Variants in FLNC observed in about 807,000 individuals in gnomAD.
FLNC encodes filamin C.
FLNC carries 91 observed loss-of-function variants against 254.3 expected under a neutral mutation model. The observed-to-expected ratio is 0.36, with a 90% CI of 0.30 to 0.43. The LOEUF (loss-of-function observed/expected upper bound fraction) is 0.43. FLNC is among the 20% of genes least tolerant of loss of function. The probability of loss-of-function intolerance (pLI) is 1.00; values close to 1 mark genes in which losing one functional copy is unlikely to be tolerated. For synonymous variants in FLNC, 1,430 were observed against 1,577.2 expected (o/e 0.91, Z 2.21); for missense variants, 2,853 against 3,802.6 (o/e 0.75, Z 6.57).
Position 128,837,277 on chromosome 7 carries a change from AG to A in FLNC, c.699+26del, listed in dbSNP as rs760219261. On this transcript the variant is annotated intron_variant, in intron 3 of 47. Coordinates refer to ENST00000325888, the MANE Select transcript of FLNC (RefSeq NM_001458.5). ...CCCCAGGTACATGCGCAGATGGGGCAGGGGGGAAAGGGGGCAGGGGCAGAGG... is the reference window on the plus strand; with the variant it reads ...CCCCAGGTACATGCGCAGATGGGGCAGGGGGAAAGGGGGCAGGGGCAGAGG... 1.7e-5 allele frequency: 13 copies of A among 762,758 alleles called. No homozygotes were observed. Among genetic ancestry groups the A allele is most frequent in the African/African-American group, 1.1e-4 (6 of 54,912 alleles). 47.2% of individuals were successfully genotyped at this position (762,758 alleles called of 1,614,324 possible).
At position 128,830,574 on chromosome 7, in the gene FLNC, C is replaced by A; in HGVS notation, c.-64C>A. 2 of 1,427,322 alleles carry A rather than the reference C, an allele frequency of 1.4e-6. No individual in the cohort carries two copies. Among genetic ancestry groups the A allele is most frequent in the Non-Finnish European group, 9.8e-7 (1 of 1,023,736 alleles). 88.4% of individuals were successfully genotyped at this position (1,427,322 alleles called of 1,614,324 possible). On this transcript the variant is annotated 5_prime_UTR_variant, in exon 1 of 48. Coordinates refer to ENST00000325888, the MANE Select transcript of FLNC (RefSeq NM_001458.5). ...TCCCGTGGTCGCGCCCCAACAGCGC[C>A]CGACAGCCCCCGATAGCCCAAACCG...
At position 128,845,018 on chromosome 7, in the gene FLNC, G is replaced by A. The variant is rs912926530; in HGVS notation, c.3553G>A (p.Glu1185Lys). Residue 1185 changes from glutamate to lysine, a missense_variant, in exon 21 of 48, where the codon GAG becomes AAG. This residue lies in a region of FLNC where 1,573 missense variants were observed against 1,883.5 expected (regional missense o/e 0.84). Transcript: ENST00000325888. ...TFTVDCSEAG[E>K]AELTIEILSD... ...CACTGTGGACTGCTCAGAGGCAGGC[G>A]AGGCGGAGCTGACCATTGAGATCCT... 7.4e-6 allele frequency: 12 copies of A among 1,613,674 alleles called. No individual in the cohort carries two copies. The highest frequency in any genetic ancestry group is 2.2e-5 in the South Asian group (2 of 91,096).
At chr7:128,855,147 C>G (rs1178784178) in intron 42 of FLNC, 52 bp from the exon 43 acceptor site, 1 of 1,346,178 alleles carries the variant, frequency 7.4e-7, no homozygotes, top group African/African-American at 1.4e-5. Context: ...GGGAGGCTCC[C>G]GCCCTGCCAA....
intron 42 of FLNC, 106 bp downstream of exon 42, chr7:128,855,018 C>T: frequency 7.8e-7 from 1 of 1,277,744 alleles, no homozygotes; most frequent in Non-Finnish European, 1.1e-6. Flanking sequence ...ACTCCCCTCC[C>T]CGGAGCCCCC....
intron 6 of FLNC, 52 bp from the exon 7 acceptor site, chr7:128,838,215 C>A: frequency 1.3e-6 from 2 of 1,587,730 alleles, no homozygotes; most frequent in Non-Finnish European, 1.7e-6. Flanking sequence ...CCCTCTGCCC[C>A]CTCTCAGGAC....
chr7:128,833,360 C>T (rs1363003767), intron 1 of FLNC, among the ~76,000 whole-genome samples: 1 of 152,220 alleles, frequency 6.6e-6, no homozygotes, highest in East Asian at 1.9e-4. Context: ...TCTGGCTCCT[C>T]CCACTCCTTT....
intron 3 of FLNC, 26 bp downstream of exon 3, chr7:128,837,283 G>C: frequency 7.8e-7 from 1 of 1,280,404 alleles, no homozygotes; most frequent in Non-Finnish European, 1.1e-6. Context: ...GGGCAGGGGG[G>C]AAAGGGGGCA....
Position 128,841,271 on chromosome 7 carries a change from G to A in FLNC, c.1915G>A (p.Ala639Thr), listed in dbSNP as rs1175392094. Reference protein sequence around the residue: ...RYWPTEPGEYAVHVICDDEDI... With the variant: ...RYWPTEPGEYTVHVICDDEDI... Reference sequence around the variant, plus strand: ...CTGGCCCACGGAGCCTGGGGAGTACGCTGTGCACGTCATCTGTGACGATGA... The same window carrying A: ...CTGGCCCACGGAGCCTGGGGAGTACACTGTGCACGTCATCTGTGACGATGA... The change falls in exon 12 of 48, where the codon GCT becomes ACT. Residue 639 changes from alanine (A) to threonine (T), a missense_variant. Transcript: ENST00000325888. The surrounding 1 kb of genome is among the most constrained non-coding windows in gnomAD (Gnocchi z 4.3). The A allele has an allele frequency of 1.9e-6, 3 of 1,613,940 alleles. No individual in the cohort carries two copies. The highest frequency in any genetic ancestry group is 2.2e-5 in the South Asian group (2 of 91,086).
rs753700851 is a variant in FLNC at position 128,840,017 on chromosome 7, C to G, written c.1412-6C>G. Reference sequence around the variant, plus strand: ...ACCCCCAACCTCCTTTCTCTTCCTCCCCTAGCCTGTAACCCCAACGCCTGC... The same window carrying G: ...ACCCCCAACCTCCTTTCTCTTCCTCGCCTAGCCTGTAACCCCAACGCCTGC... On this transcript the variant is annotated splice_polypyrimidine_tract_variant and splice_region_variant and intron_variant, in intron 8 of 47. Coordinates refer to ENST00000325888, the MANE Select transcript of FLNC (RefSeq NM_001458.5). 1.8e-5 allele frequency: 29 copies of G among 1,612,634 alleles called. No individual in the cohort carries two copies. Among genetic ancestry groups the G allele is most frequent in the Non-Finnish European group, 2.4e-5 (28 of 1,179,994 alleles).
At chr7:128,853,398 C>T (rs2128939050) in intron 37 of FLNC, 71 bp from the exon 38 acceptor site, 1 of 1,586,354 alleles carries the variant, frequency 6.3e-7, no homozygotes, top group Middle Eastern at 2.0e-4. Flanking sequence ...AGCCTGCAGT[C>T]TGGGGAGAGG....
intron 35 of FLNC, among the ~76,000 whole-genome samples, chr7:128,852,383 T>A (rs1044683286): frequency 6.6e-6 from 1 of 152,076 alleles, no homozygotes; most frequent in Non-Finnish European, 1.5e-5. Flanking sequence ...GCAGCCACAG[T>A]GGAATTGGGG....
chr7:128,849,297 A>G, intron 29 of FLNC, 34 bp from the exon 30 acceptor site: 1 of 1,614,076 alleles, frequency 6.2e-7, no homozygotes, highest in Non-Finnish European at 8.5e-7. Context: ...GCTCCAGCCC[A>G]CCAGCTCCCT....
Position 128,856,575 on chromosome 7 carries a change from C to T in FLNC, c.7309C>T (p.Arg2437Trp), listed in dbSNP as rs756353876. The T allele has an allele frequency of 5.8e-5, 93 of 1,612,726 alleles. No individual in the cohort carries two copies. Among genetic ancestry groups the T allele is most frequent in the African/African-American group, 8.0e-5 (6 of 74,912 alleles). The part of the protein sequence containing the change: ...ASFAVQLNGA[R>W]GVIDARVHTP... ...CTTTGCCGTGCAGCTGAACGGTGCCCGGGGCGTGATTGATGCCCGGGTGCA... is the reference window on the plus strand; with the variant it reads ...CTTTGCCGTGCAGCTGAACGGTGCCTGGGGCGTGATTGATGCCCGGGTGCA... Residue 2437 changes from arginine (R) to tryptophan (W), a missense_variant, in exon 44 of 48, where the codon CGG becomes TGG. By Grantham distance (101) the Arg-to-Trp change is moderately radical. Coordinates refer to ENST00000325888, the MANE Select transcript of FLNC (RefSeq NM_001458.5). This position sits in a 1 kb window ranked among gnomAD's most constrained non-coding sequence, Gnocchi z 5.9.
At chr7:128,831,141 A>G (rs1585148142) in intron 1 of FLNC, 152 bp downstream of exon 1, 1 of 715,908 alleles carries the variant, frequency 1.4e-6, no homozygotes, top group Non-Finnish European at 2.2e-6. Flanking sequence ...CGGCCCTCCC[A>G]CCCATCGACA....
At position 128,858,556 on chromosome 7, in the gene FLNC, A is replaced by G; in HGVS notation, c.*33A>G. 2 of 1,438,930 alleles carry G rather than the reference A, an allele frequency of 1.4e-6. No homozygotes were observed. Among genetic ancestry groups the G allele is most frequent in the Non-Finnish European group, 9.7e-7 (1 of 1,030,594 alleles). The allele number at this position is 1,438,930 out of a possible 1,614,324, so 89.1% of individuals were successfully genotyped here. A position where few individuals can be genotyped will look rare whatever the true frequency, so the allele number is the denominator to read the frequency against. On this transcript the variant is annotated 3_prime_UTR_variant, in exon 48 of 48. Coordinates refer to ENST00000325888, the MANE Select transcript of FLNC (RefSeq NM_001458.5). The surrounding 1 kb of genome is among the most constrained non-coding windows in gnomAD (Gnocchi z 6.7). The stretch of plus-strand genomic sequence containing the variant: ...AAGTGCCTCCCCAGCCTCAGCCCCC[A>G]CCTCCAGCCACACACACATTACACA...
chr7:128,849,281 G>A, intron 29 of FLNC, 50 bp from the exon 30 acceptor site: 2 of 1,614,150 alleles, frequency 1.2e-6, no homozygotes, highest in Non-Finnish European at 1.7e-6. Flanking sequence ...GGAACAGAGA[G>A]GGCTGGCTCC....
rs1808919247 is a variant in FLNC, at chr7:128,853,626, G to A, written c.6361+5G>A. 6.2e-7 allele frequency: 1 copy of A among 1,614,136 alleles called. No individual in the cohort carries two copies. The highest frequency in any genetic ancestry group is 8.5e-7 in the Non-Finnish European group (1 of 1,180,036). ...TTGCTGACAAGCACGTGCCTGGTAA[G>A]GCTCTGGGCAGAGGTCGGTGGCGAG... On this transcript the variant is annotated splice_donor_5th_base_variant and intron_variant, in intron 38 of 47. Coordinates refer to ENST00000325888, the MANE Select transcript of FLNC (RefSeq NM_001458.5).
chr7:128,849,390 A>G lies in FLNC; in HGVS notation c.5011A>G (p.Lys1671Glu), dbSNP rs1563000088. The change falls in exon 30 of 48, where the codon AAG (lysine) becomes GAG (glutamate). Residue 1671 changes from lysine (K) to glutamate (E), a missense_variant. By Grantham distance (56) the Lys-to-Glu change is moderately conservative (BLOSUM62 1). Transcript: ENST00000325888. ...GQETVITVDA[K>E]AAGEGKVTCT... The stretch of plus-strand genomic sequence containing the variant: ...GGAGACGGTGATCACGGTGGATGCC[A>G]AGGCAGCCGGTGAGGGGAAGGTGAC... 6.2e-7 allele frequency: 1 copy of G among 1,614,068 alleles called. No individual in the cohort carries two copies.
At position 128,842,511 on chromosome 7, in the gene FLNC, T is replaced by A. The variant is rs1005765016; in HGVS notation, c.2266-64T>A. 1.3e-6 allele frequency: 2 copies of A among 1,553,302 alleles called. No homozygotes were observed. Among genetic ancestry groups the A allele is most frequent in the Non-Finnish European group, 1.7e-6 (2 of 1,148,768 alleles). ...CTGGTGCCACTGAGGCTGGGCCGGG[T>A]GCGCTGGGCAGGAGGATGAGCCTTG... On this transcript the variant is annotated intron_variant, in intron 14 of 47. Transcript: ENST00000325888. This position sits in a 1 kb window ranked among gnomAD's most constrained non-coding sequence, Gnocchi z 5.4.
Sources: gnomAD v4.1 joint callset for allele counts (sites outside exome capture counted in the v4.1 genomes callset) on GRCh38, gnomAD v4.1.1 for gene constraint, gnomAD v4.1.1 regional missense constraint, Gnocchi (gnomAD v3.1) non-coding constraint, MANE v1.5 for transcripts, NCBI Gene and HGNC (gene_info 2026-07-23, HGNC 2026-07-21) for gene names.